The following IPPK variants were observed in gnomAD, a reference collection of about 807,000 sequenced individuals.
IPPK encodes the protein inositol-pentakisphosphate 2-kinase.
IPPK carries 22 observed loss-of-function variants against 64.6 expected under a neutral mutation model. The observed-to-expected ratio is 0.34, with a 90% CI of 0.24 to 0.49. The LOEUF is 0.49. Among genes scored for constraint, IPPK ranks in the 20% least tolerant of loss-of-function variants. The pLI is 0.99. For synonymous variants in IPPK, 262 were observed against 247.2 expected (o/e 1.06, Z -0.56); for missense variants, 532 against 630.7 (o/e 0.84, Z 1.68).
intron 4 of IPPK, 150 bp from the exon 5 acceptor site, chr9:92,649,724 C>T: frequency 2.1e-6 from 2 of 956,976 alleles, no homozygotes; most frequent in Non-Finnish European, 1.5e-6. Context: ...TTGTGGGACA[C>T]ACACAGTAAC....
Position 92,656,534 on chromosome 9 carries a change from A to G in IPPK, c.147T>C (p.Phe49=). Reference sequence around the variant, plus strand: ...AGTCCACTATGTTCTGCAGGTGTTGAAATATCTCTTCCGAGGTCTGTAAGA... The same window carrying G: ...AGTCCACTATGTTCTGCAGGTGTTGGAATATCTCTTCCGAGGTCTGTAAGA... ...PNRKKTSEEI[F]QHLQNIVDFG... is the part of the protein sequence containing the mutation. Residue 49 remains phenylalanine (F), a synonymous_variant, in exon 3 of 13, where the codon TTT becomes TTC. Transcript: ENST00000287996. The G allele has an allele frequency of 6.2e-7, 1 of 1,612,662 alleles. No individual in the cohort carries two copies.
In IPPK at chr9:92,621,507, C is replaced by CTTTTT. The variant is rs58003734; in HGVS notation, c.1171-1947_1171-1943dup. On this transcript the variant is annotated intron_variant, in intron 11 of 12. Coordinates refer to ENST00000287996, the MANE Select transcript of IPPK (RefSeq NM_022755.6). ...ATTTAAGTCAGAAATAATACCATTC[C>CTTTTT]TTTTTTTTTTTTTTTTTTTTTTTTG... Among the ~76,000 whole-genome samples, 149 of 87,804 alleles carry CTTTTT rather than the reference C, an allele frequency of 1.7e-3. 7 individuals are homozygous for CTTTTT. The highest frequency in any genetic ancestry group is 2.6e-3 in the East Asian group (9 of 3,410). The allele number at this position is 87,804 out of a possible 152,430, so 57.6% of individuals were successfully genotyped here.
At chr9:92,662,464 G>A (rs987414101) in intron 1 of IPPK, among the ~76,000 whole-genome samples, 6 of 151,902 alleles carry the variant, frequency 3.9e-5, no homozygotes, top group African/African-American at 9.7e-5. Flanking sequence ...CAGAGATTGC[G>A]GTGAGCCGAG....
intron 7 of IPPK, among the ~76,000 whole-genome samples, 183 bp from the exon 8 acceptor site, chr9:92,640,965 C>A (rs1233250628): frequency 6.6e-6 from 1 of 152,172 alleles, no homozygotes; most frequent in Non-Finnish European, 1.5e-5. Flanking sequence ...TGGGCTCCCT[C>A]CCCGGAGGGT....
At chr9:92,631,179 C>T (rs1485564769) in intron 11 of IPPK, among the ~76,000 whole-genome samples, 5 of 150,580 alleles carry the variant, frequency 3.3e-5, no homozygotes, top group African/African-American at 4.9e-5. Context: ...TTTTCTTCAG[C>T]GGTACACAGT....
At chr9:92,637,973 C>A in intron 9 of IPPK, 28 bp downstream of exon 9, 1 of 1,505,300 alleles carries the variant, frequency 6.6e-7, no homozygotes, top group Non-Finnish European at 8.9e-7. Flanking sequence ...CGGCCCCCAC[C>A]GCCTACCTGG....
chr9:92,655,280 T>G (rs1852348982), intron 3 of IPPK, among the ~76,000 whole-genome samples: 1 of 152,142 alleles, frequency 6.6e-6, no homozygotes, highest in African/African-American at 2.4e-5. Context: ...CCCTGAGGGG[T>G]GCATCGTCAG....
Position 92,614,480 on chromosome 9 carries a change from A to G in IPPK, c.*1352T>C, listed in dbSNP as rs1471307970. The G allele has an allele frequency of 6.6e-6, 1 of 152,634 alleles. No homozygotes were observed. The highest frequency in any genetic ancestry group is 1.5e-5 in the Non-Finnish European group (1 of 68,050). The allele number at this position is 152,634 out of a possible 1,614,324, so 9.5% of individuals were successfully genotyped here. On this transcript the variant is annotated 3_prime_UTR_variant, in exon 13 of 13. Coordinates refer to ENST00000287996, the MANE Select transcript of IPPK (RefSeq NM_022755.6). The stretch of plus-strand genomic sequence containing the variant: ...GAAAACAGTAAAAGTGTCCAGTTAG[A>G]TAAGTATCTTTTTGCACCTCTGAGA...
In IPPK at chr9:92,613,223, G is replaced by A. The variant is rs562036179; in HGVS notation, c.*2609C>T. 4.4e-6 allele frequency: 7 copies of A among 1,580,788 alleles called. No homozygotes were observed. The highest frequency in any genetic ancestry group is 1.7e-4 in the Middle Eastern group (1 of 5,978). On this transcript the variant is annotated 3_prime_UTR_variant, in exon 13 of 13. Coordinates refer to ENST00000287996, the MANE Select transcript of IPPK (RefSeq NM_022755.6). ...GCAATTTTATTCAATATAAACATTTGCTATTTTCTGCTTAGAAACCACACC... is the reference window on the plus strand; with the variant it reads ...GCAATTTTATTCAATATAAACATTTACTATTTTCTGCTTAGAAACCACACC...
At chr9:92,630,492 C>T (rs1587624407) in intron 11 of IPPK, among the ~76,000 whole-genome samples, 1 of 152,098 alleles carries the variant, frequency 6.6e-6, no homozygotes, top group East Asian at 1.9e-4. Context: ...CAGTCAAAAC[C>T]GCTGCACTGA....
rs1851368646 is a variant in IPPK at position 92,614,454 on chromosome 9, A to C, written c.*1378T>G. On this transcript the variant is annotated 3_prime_UTR_variant, in exon 13 of 13. Transcript: ENST00000287996. ...TGAGACGGTGTCATTGGAAGTGAGA[A>C]GAAAACAGTAAAAGTGTCCAGTTAG... 6.6e-6 allele frequency: 1 copy of C among 152,498 alleles called. No individual in the cohort carries two copies. Among genetic ancestry groups the C allele is most frequent in the African/African-American group, 2.4e-5 (1 of 41,472 alleles). 9.4% of individuals were successfully genotyped at this position (152,498 alleles called of 1,614,324 possible).
intron 6 of IPPK, among the ~76,000 whole-genome samples, chr9:92,645,556 A>G (rs1022583972): frequency 2.0e-5 from 3 of 152,106 alleles, no homozygotes; most frequent in Admixed American, 1.3e-4. Flanking sequence ...CACCATAATC[A>G]AACTGTCACA....
intron 1 of IPPK, among the ~76,000 whole-genome samples, chr9:92,659,106 G>T (rs1212013702): frequency 6.6e-6 from 1 of 151,890 alleles, no homozygotes; most frequent in African/African-American, 2.4e-5. Context: ...TACCGAATGG[G>T]GCTTACAGAA....
chr9:92,669,819 G>A, intron 1 of IPPK, 89 bp downstream of exon 1: 2 of 973,986 alleles, frequency 2.1e-6, no homozygotes, highest in Admixed American at 1.9e-5. Flanking sequence ...ACGTGGAACC[G>A]ACCCTGTTGA....
intron 1 of IPPK, among the ~76,000 whole-genome samples, chr9:92,665,167 CA>C (rs900993935): frequency 2.0e-5 from 3 of 152,218 alleles, no homozygotes; most frequent in African/African-American, 7.2e-5. Flanking sequence ...CTAAAAATCC[CA>C]AATGCAGAAT....
Position 92,670,059 on chromosome 9 carries a change from G to A in IPPK, c.-71C>T. ...CGAGCTGGGGGCCGCCCGCCTCGCTGGGAACCAGCCGCTGCGGTCGGGGGA... is the reference window on the plus strand; with the variant it reads ...CGAGCTGGGGGCCGCCCGCCTCGCTAGGAACCAGCCGCTGCGGTCGGGGGA... On this transcript the variant is annotated 5_prime_UTR_variant, in exon 1 of 13. Coordinates refer to ENST00000287996, the MANE Select transcript of IPPK (RefSeq NM_022755.6). 4.3e-6 allele frequency: 5 copies of A among 1,165,718 alleles called. No homozygotes were observed. The highest frequency in any genetic ancestry group is 2.1e-4 in the Middle Eastern group (1 of 4,796). The allele number at this position is 1,165,718 out of a possible 1,614,324, so 72.2% of individuals were successfully genotyped here. A position where few individuals can be genotyped will look rare whatever the true frequency, so the allele number is the denominator to read the frequency against.
intron 3 of IPPK, among the ~76,000 whole-genome samples, chr9:92,653,029 C>T (rs1257199668): frequency 6.6e-6 from 1 of 152,174 alleles, no homozygotes; most frequent in Non-Finnish European, 1.5e-5. Flanking sequence ...ATGGAAGACC[C>T]TTACTGACCA....
chr9:92,660,655 G>A (rs544989866), intron 1 of IPPK, among the ~76,000 whole-genome samples: 2 of 152,278 alleles, frequency 1.3e-5, no homozygotes, highest in Non-Finnish European at 2.9e-5. Context: ...CCCATGAACA[G>A]AAATACCAAC....
intron 11 of IPPK, among the ~76,000 whole-genome samples, chr9:92,624,428 C>T (rs1024473406): frequency 1.3e-5 from 2 of 151,782 alleles, no homozygotes; most frequent in Non-Finnish European, 2.9e-5. Context: ...CACTGCACTC[C>T]AGCCTGGGTG....
Sources: gnomAD v4.1 joint callset for allele counts (sites outside exome capture counted in the v4.1 genomes callset) on GRCh38, gnomAD v4.1.1 for gene constraint, MANE v1.5 for transcripts, NCBI Gene and HGNC (gene_info 2026-07-23, HGNC 2026-07-21) for gene names.